FRMD3: variants seen among roughly 807,000 people sequenced by gnomAD.
The protein encoded by FRMD3 is FERM domain-containing protein 3.
In FRMD3, 33 loss-of-function variants were observed where a neutral mutation model predicts 70.2. The observed-to-expected ratio is 0.47, with a 90% confidence interval of 0.36 to 0.63. The LOEUF (loss-of-function observed/expected upper bound fraction) is 0.63, where lower values mean the gene tolerates loss of function less well. FRMD3 is among the 20% of genes least tolerant of loss of function. The probability of loss-of-function intolerance (pLI) is 0.00; values close to 1 mark genes in which losing one functional copy is unlikely to be tolerated. For synonymous variants in FRMD3, 279 were observed against 255.9 expected (o/e 1.09, Z -0.86); for missense variants, 632 against 711.4 (o/e 0.89, Z 1.27).
At chr9:83,408,415 C>A (rs1234070769) in intron 1 of FRMD3, among the ~76,000 whole-genome samples, 1 of 152,094 alleles carries the variant, frequency 6.6e-6, no homozygotes, top group Non-Finnish European at 1.5e-5. Context: ...GTCCTAAGAA[C>A]CCCCACTGGG....
chr9:83,528,739 G>C (rs750027894), intron 1 of FRMD3, among the ~76,000 whole-genome samples: 1 of 151,972 alleles, frequency 6.6e-6, no homozygotes, highest in African/African-American at 2.4e-5. Context: ...TGTTGCCCAG[G>C]CTGGTCTCAA....
upstream of FRMD3, among the ~76,000 whole-genome samples, chr9:83,539,291 G>C (rs188488484): frequency 6.6e-6 from 1 of 152,300 alleles, no homozygotes; most frequent in East Asian, 1.9e-4. Context: ...GAGGTATCCT[G>C]CCTCTCTGTT....
the FRMD3 span, among the ~76,000 whole-genome samples, chr9:83,555,204 C>T: frequency 6.6e-6 from 1 of 151,842 alleles, no homozygotes; most frequent in Non-Finnish European, 1.5e-5. Context: ...ACTCCAAAGC[C>T]CAAAGGCTGG....
At chr9:83,361,517 G>A (rs1824584526) in intron 3 of FRMD3, among the ~76,000 whole-genome samples, 1 of 152,190 alleles carries the variant, frequency 6.6e-6, no homozygotes, top group African/African-American at 2.4e-5. Flanking sequence ...TCAAAAGCAT[G>A]TGACCAAGGT....
At chr9:83,488,907 T>C (rs1828746339) in intron 1 of FRMD3, among the ~76,000 whole-genome samples, 1 of 151,828 alleles carries the variant, frequency 6.6e-6, no homozygotes. Context: ...AGAGGCTGAG[T>C]TGATTGTCAA....
chr9:83,343,310 G>T lies in FRMD3; in HGVS notation c.375-23C>A, dbSNP rs141849192. 1,630 of 1,522,916 alleles carry T rather than the reference G, an allele frequency of 1.1e-3. 13 individuals are homozygous for T. In the African/African-American group the frequency reaches 0.018, roughly 17 times the overall value. The allele number at this position is 1,522,916 out of a possible 1,614,324, so 94.3% of individuals were successfully genotyped here. A position where few individuals can be genotyped will look rare whatever the true frequency, so the allele number is the denominator to read the frequency against. On this transcript the variant is annotated intron_variant, in intron 4 of 13. Coordinates refer to ENST00000304195, the MANE Select transcript of FRMD3 (RefSeq NM_174938.6). ...TATCTGCAATACAAAAGGAGAAATG[G>T]TCACTCTAACTTTTGGCTGAAGTCT... is the stretch of plus-strand genomic sequence containing the variant.
At chr9:83,436,673 A>G (rs1215233173) in intron 1 of FRMD3, among the ~76,000 whole-genome samples, 1 of 152,072 alleles carries the variant, frequency 6.6e-6, no homozygotes, top group Admixed American at 6.6e-5. Context: ...CTGGACCTAG[A>G]CAAAAATACA....
At chr9:83,522,724 C>T (rs1265886662) in intron 1 of FRMD3, among the ~76,000 whole-genome samples, 4 of 151,786 alleles carry the variant, frequency 2.6e-5, no homozygotes, top group African/African-American at 7.3e-5. Flanking sequence ...CCACCCCGCC[C>T]GGCTAATTTT....
downstream of FRMD3, chr9:83,243,134 A>G: frequency 2.0e-6 from 3 of 1,507,654 alleles, no homozygotes; most frequent in Non-Finnish European, 2.7e-6. Flanking sequence ...CCAGTCACAG[A>G]CGGAGGCTGG....
At chr9:83,422,476 T>C (rs975450728) in intron 1 of FRMD3, among the ~76,000 whole-genome samples, 1 of 152,232 alleles carries the variant, frequency 6.6e-6, no homozygotes, top group Non-Finnish European at 1.5e-5. Context: ...AGCTCCGCTA[T>C]ACCTGATGAA....
intron 6 of FRMD3, among the ~76,000 whole-genome samples, chr9:83,320,893 CA>C (rs1279071845): frequency 6.6e-6 from 1 of 152,042 alleles, no homozygotes; most frequent in African/African-American, 2.4e-5. Flanking sequence ...TTGGTCAGTT[CA>C]GAAGTTTTAT....
At chr9:83,463,199 T>C (rs890333536) in intron 1 of FRMD3, among the ~76,000 whole-genome samples, 2 of 152,184 alleles carry the variant, frequency 1.3e-5, no homozygotes, top group African/African-American at 4.8e-5. Context: ...TTGTTAACAT[T>C]ACATACTGAA....
At chr9:83,334,355 G>A (rs1014845997) in intron 6 of FRMD3, among the ~76,000 whole-genome samples, 3 of 152,090 alleles carry the variant, frequency 2.0e-5, no homozygotes, top group Non-Finnish European at 4.4e-5. Context: ...AAGACTAAGC[G>A]TCATATTTTC....
intron 1 of FRMD3, among the ~76,000 whole-genome samples, chr9:83,512,599 C>G (rs1457803399): frequency 1.3e-5 from 2 of 152,140 alleles, no homozygotes; most frequent in Non-Finnish European, 2.9e-5. Flanking sequence ...AGCATATACC[C>G]CTAGCCCACT....
intron 1 of FRMD3, among the ~76,000 whole-genome samples, chr9:83,413,026 C>A (rs186180580): frequency 1.1e-4 from 16 of 151,714 alleles, no homozygotes; most frequent in African/African-American, 3.6e-4. Context: ...AGAAAGAAAA[C>A]AGAAAAGAAA....
intron 1 of FRMD3, among the ~76,000 whole-genome samples, chr9:83,446,207 G>A (rs566818668): frequency 2.6e-5 from 4 of 152,196 alleles, no homozygotes; most frequent in South Asian, 4.1e-4. Context: ...GCCAGCCCCC[G>A]GCCTCGAGCT....
At chr9:83,438,731 T>A (rs1271407494) in intron 1 of FRMD3, among the ~76,000 whole-genome samples, 1 of 152,156 alleles carries the variant, frequency 6.6e-6, no homozygotes, top group Non-Finnish European at 1.5e-5. Context: ...AGATGTACGA[T>A]CAGATCTGAC....
chr9:83,555,572 GCCA>G, the FRMD3 span, among the ~76,000 whole-genome samples: 1 of 152,200 alleles, frequency 6.6e-6, no homozygotes, highest in Admixed American at 6.5e-5. Context: ...ACTACTGGTA[GCCA>G]GCTGGAGTTC....
At chr9:83,478,587 T>C (rs967128850) in intron 1 of FRMD3, among the ~76,000 whole-genome samples, 5 of 152,170 alleles carry the variant, frequency 3.3e-5, no homozygotes, top group African/African-American at 1.2e-4. Flanking sequence ...GAAAACAGTA[T>C]GGCACTTCCT....
Sources: allele counts gnomAD v4.1 joint callset (sites outside exome capture counted in the v4.1 genomes callset), GRCh38; gene constraint gnomAD v4.1.1; transcripts MANE v1.5; gene names NCBI Gene and HGNC (gene_info 2026-07-23, HGNC 2026-07-21).